The following PARG variants were observed in gnomAD, a reference collection of about 807,000 sequenced individuals.
PARG encodes poly(ADP-ribose) glycohydrolase, also known as mitochondrial poly(ADP-ribose) glycohydrolase.
PARG carries 35 observed loss-of-function variants against 113.0 expected under a neutral mutation model. The ratio of observed to expected loss-of-function variants is 0.31; its 90% CI spans 0.24 to 0.41. The LOEUF is 0.41. Among genes scored for constraint, PARG ranks in the 10% least tolerant of loss-of-function variants. The pLI is 1.00. For synonymous variants in PARG, 330 were observed against 409.9 expected, an observed-to-expected ratio of 0.81 and a Z score of 2.36; for missense variants, 797 against 1,169.4, an observed-to-expected ratio of 0.68 and a Z score of 4.64.
intron 1 of PARG, among the ~76,000 whole-genome samples, chr10:49,940,058 A>G (rs1466995736): frequency 6.6e-6 from 1 of 151,782 alleles, no homozygotes; most frequent in Non-Finnish European, 1.5e-5. Flanking sequence ...CTTTCTCTAC[A>G]TGTTTATGTT....
At chr10:49,915,225 G>A (rs1837405188) in intron 7 of PARG, among the ~76,000 whole-genome samples, 2 of 149,536 alleles carry the variant, frequency 1.3e-5, no homozygotes, top group Admixed American at 6.7e-5. Context: ...ATATTTGCAA[G>A]TCATATATCT....
chr10:49,889,469 G>A (rs1337091038), intron 7 of PARG, among the ~76,000 whole-genome samples: 36 of 152,282 alleles, frequency 2.4e-4, no homozygotes, highest in African/African-American at 8.7e-4. Context: ...CTGGGTTGGG[G>A]TGAGAGTTCA....
intron 16 of PARG, among the ~76,000 whole-genome samples, chr10:49,829,108 C>T (rs1345851282): frequency 1.3e-5 from 2 of 151,864 alleles, no homozygotes; most frequent in Non-Finnish European, 2.9e-5. Flanking sequence ...TGGTGGCAGG[C>T]ACCTGTAATC....
chr10:49,912,869 A>C (rs1554846687), intron 7 of PARG, among the ~76,000 whole-genome samples: 1 of 152,112 alleles, frequency 6.6e-6, no homozygotes, highest in African/African-American at 2.4e-5. Context: ...ACGGGAGGCT[A>C]AAGTGGGAGG....
chr10:49,832,839 C>T lies in PARG; in HGVS notation c.2611G>A (p.Gly871Ser). The stretch of plus-strand genomic sequence containing the variant: ...GCATCACCCCCAAAGGCACCACAGC[C>T]CCAGTTTCCTGTGGCCACTGCAGAA... Reference protein sequence around the residue: ...NLSAVATGNWGCGAFGGDARL... With the variant: ...NLSAVATGNWSCGAFGGDARL... The change falls in exon 16 of 18, where the codon GGC becomes AGC. Residue 871 changes from glycine to serine, a missense_variant. By Grantham distance (56) the Gly-to-Ser change is moderately conservative. Coordinates refer to ENST00000616448, the MANE Select transcript of PARG (RefSeq NM_003631.5). 6.4e-7 allele frequency: 1 copy of T among 1,550,424 alleles called. No homozygotes were observed. The highest frequency in any genetic ancestry group is 8.7e-7 in the Non-Finnish European group (1 of 1,145,980).
chr10:49,830,320 A>G (rs551820972), intron 16 of PARG, among the ~76,000 whole-genome samples: 2 of 152,344 alleles, frequency 1.3e-5, no homozygotes, highest in South Asian at 2.1e-4. Context: ...CGTAAGATCA[A>G]TAAGCCCAGA....
intron 16 of PARG, among the ~76,000 whole-genome samples, chr10:49,823,668 TCCA>T (rs774839140): frequency 6.6e-6 from 1 of 152,128 alleles, no homozygotes; most frequent in Non-Finnish European, 1.5e-5. Context: ...ATCATCTTTC[TCCA>T]CCAAGAAGTA....
chr10:49,938,147 G>C (rs1377885163), intron 1 of PARG, among the ~76,000 whole-genome samples: 6,589 of 152,174 alleles, frequency 0.043, 325 homozygotes, highest in African/African-American at 0.12. Flanking sequence ...GTACCACCTT[G>C]GTCCAGTTGC....
At chr10:49,824,320 T>G (rs1334926156) in intron 16 of PARG, among the ~76,000 whole-genome samples, 3 of 152,214 alleles carry the variant, frequency 2.0e-5, no homozygotes, top group Admixed American at 2.0e-4. Flanking sequence ...TACACAATTA[T>G]GCCTCATGAT....
chr10:49,933,521 A>G lies in PARG; in HGVS notation c.927T>C (p.Ser309=), dbSNP rs1394660975. 2 of 1,610,944 alleles carry G rather than the reference A, an allele frequency of 1.2e-6. No individual in the cohort carries two copies. Among genetic ancestry groups the G allele is most frequent in the East Asian group, 2.2e-5 (1 of 44,884 alleles). The change falls in exon 3 of 18, where the codon TCT becomes TCC. Residue 309 remains serine, a synonymous_variant. Coordinates refer to ENST00000616448, the MANE Select transcript of PARG (RefSeq NM_003631.5). ...CTTCTGAGTCTTGACAACTATTTTT[A>G]GAATTATCCACATCCATCGGTGACT... ...EPESPMDVDN[S]KNSCQDSEAD...
At chr10:49,860,164 G>T (rs1328610939) in intron 12 of PARG, among the ~76,000 whole-genome samples, 1 of 152,184 alleles carries the variant, frequency 6.6e-6, no homozygotes, top group Non-Finnish European at 1.5e-5. Flanking sequence ...ATAGCAAGAA[G>T]CCCTTACGGT....
intron 7 of PARG, among the ~76,000 whole-genome samples, chr10:49,911,149 G>C (rs1489090320): frequency 2.0e-5 from 3 of 152,060 alleles, no homozygotes; most frequent in Non-Finnish European, 2.9e-5. Context: ...CTGGCGTGGT[G>C]GTGGGTGCCT....
chr10:49,820,462 C>T (rs545310037), intron 16 of PARG, among the ~76,000 whole-genome samples, 169 bp from the exon 17 acceptor site: 1 of 152,102 alleles, frequency 6.6e-6, no homozygotes, highest in African/African-American at 2.4e-5. Flanking sequence ...TGCCTCACAC[C>T]TGTAATCCCA....
At chr10:49,929,687 G>A (rs1393396157) in intron 4 of PARG, among the ~76,000 whole-genome samples, 35 of 152,200 alleles carry the variant, frequency 2.3e-4, no homozygotes, top group Middle Eastern at 6.8e-3. Context: ...TTAGCCAGGC[G>A]TGGTGGTGCA....
chr10:49,920,474 A>ATATC (rs1837762814), intron 6 of PARG, among the ~76,000 whole-genome samples: 1 of 94,446 alleles, frequency 1.1e-5, no homozygotes, highest in Non-Finnish European at 2.3e-5. Context: ...ATATATATAT[A>ATATC]TATATATATA....
In PARG at chr10:49,857,329, T is replaced by C. The variant is rs1846042998; in HGVS notation, c.2330A>G (p.His777Arg). 4 of 1,219,468 alleles carry C rather than the reference T, an allele frequency of 3.3e-6. No individual in the cohort carries two copies. The highest frequency in any genetic ancestry group is 4.8e-6 in the Non-Finnish European group (4 of 840,280). 75.5% of individuals were successfully genotyped at this position (1,219,468 alleles called of 1,614,324 possible). A position where few individuals can be genotyped will look rare whatever the true frequency, so the allele number is the denominator to read the frequency against. The change falls in exon 13 of 18, where the codon CAC (histidine) becomes CGC (arginine). Residue 777 changes from histidine to arginine, a missense_variant. His to Arg is a conservative substitution (Grantham distance 29). Coordinates refer to ENST00000616448, the MANE Select transcript of PARG (RefSeq NM_003631.5). ...ISRLFTEVLD[H>R]NECLIITGTE... ...ACCTGTGATAATTAGACATTCATTG[T>C]GATCCAGCACCTCAGTGAAGAGCCG...
chr10:49,855,172 T>C (rs1355205935), intron 13 of PARG, among the ~76,000 whole-genome samples: 22 of 137,422 alleles, frequency 1.6e-4, no homozygotes, highest in African/African-American at 6.0e-4. Context: ...ATAGAAATTA[T>C]AAAAAATAAA....
chr10:49,908,756 A>G (rs1224865404), intron 7 of PARG, among the ~76,000 whole-genome samples: 2 of 152,138 alleles, frequency 1.3e-5, no homozygotes, highest in East Asian at 3.9e-4. Context: ...AACTTACTTC[A>G]GTGTTATCAA....
intron 14 of PARG, 83 bp from the exon 15 acceptor site, chr10:49,842,141 A>C: frequency 1.1e-6 from 1 of 886,038 alleles, no homozygotes; most frequent in Non-Finnish European, 1.8e-6. Flanking sequence ...GGTTGCCAAG[A>C]CTTTAGCTCT....
Sources: allele counts gnomAD v4.1 joint callset (sites outside exome capture counted in the v4.1 genomes callset), GRCh38; gene constraint gnomAD v4.1.1; transcripts MANE v1.5; gene names NCBI Gene and HGNC (gene_info 2026-07-23, HGNC 2026-07-21).